PCSK5: variants seen among roughly 807,000 people sequenced by gnomAD.
PCSK5 encodes the protein prohormone convertase 5.
PCSK5 carries 129 observed loss-of-function variants against 233.2 expected under a neutral mutation model. That is an observed-to-expected ratio of 0.55 (90% CI 0.48 to 0.64). The LOEUF (loss-of-function observed/expected upper bound fraction) is 0.64, where lower values mean the gene tolerates loss of function less well. PCSK5 is among the 30% of genes least tolerant of loss of function. The probability of loss-of-function intolerance (pLI) is 0.00; values close to 1 mark genes in which losing one functional copy is unlikely to be tolerated. For missense variants in PCSK5, 2,076 were observed against 2,430.1 expected (o/e 0.85, Z 3.06); for synonymous variants, 825 against 879.2 (o/e 0.94, Z 1.09).
At chr9:76,167,818 T>C (rs1019858138) in intron 12 of PCSK5, among the ~76,000 whole-genome samples, 3 of 152,198 alleles carry the variant, frequency 2.0e-5, no homozygotes, top group Admixed American at 1.3e-4. Flanking sequence ...TTGTGTGTTC[T>C]GAATAGCCAT....
At chr9:76,351,682 G>A (rs1355925404) in intron 36 of PCSK5, among the ~76,000 whole-genome samples, 1 of 54,520 alleles carries the variant, frequency 1.8e-5, no homozygotes, top group Non-Finnish European at 4.1e-5. Context: ...AAAGAAAGAG[G>A]TAGGGAGGGA....
intron 2 of PCSK5, among the ~76,000 whole-genome samples, chr9:75,980,338 C>G (rs1273917399): frequency 6.6e-6 from 1 of 152,044 alleles, no homozygotes; most frequent in Non-Finnish European, 1.5e-5. Context: ...TTCAGTTTGG[C>G]CTATATTTTC....
intron 32 of PCSK5, among the ~76,000 whole-genome samples, chr9:76,323,657 A>G (rs1440978070): frequency 6.6e-6 from 1 of 152,068 alleles, no homozygotes; most frequent in African/African-American, 2.4e-5. Context: ...ATCCTTTACC[A>G]TCTCACTCAA....
At chr9:76,023,925 A>G in intron 4 of PCSK5, 44 bp downstream of exon 4, 2 of 1,539,168 alleles carry the variant, frequency 1.3e-6, no homozygotes, top group Non-Finnish European at 1.8e-6. Context: ...TCTGGGAAAC[A>G]GAGAAACTCA....
At chr9:76,354,884 T>C (rs1048758725) in intron 37 of PCSK5, among the ~76,000 whole-genome samples, 2 of 152,160 alleles carry the variant, frequency 1.3e-5, no homozygotes, top group Non-Finnish European at 2.9e-5. Context: ...ACTTTGTTCC[T>C]TTTTTTATTC....
intron 30 of PCSK5, among the ~76,000 whole-genome samples, chr9:76,311,790 G>A (rs1023828958): frequency 2.6e-5 from 4 of 152,132 alleles, no homozygotes; most frequent in African/African-American, 7.2e-5. Context: ...TTTCTGTTTC[G>A]CTCTTGTACC....
chr9:75,945,743 G>GCCAT (rs1824537649), intron 2 of PCSK5, among the ~76,000 whole-genome samples: 1 of 151,896 alleles, frequency 6.6e-6, no homozygotes, highest in Admixed American at 6.6e-5. Context: ...ATCACACTTG[G>GCCAT]CCATATCTCT....
chr9:76,345,935 G>C (rs1011675897), intron 35 of PCSK5, among the ~76,000 whole-genome samples: 1 of 151,662 alleles, frequency 6.6e-6, no homozygotes, highest in African/African-American at 2.4e-5. Flanking sequence ...GGCCAGGCTG[G>C]TCTCAAATTC....
intron 36 of PCSK5, among the ~76,000 whole-genome samples, chr9:76,351,461 A>AAG (rs2131521817): frequency 2.3e-5 from 1 of 43,160 alleles, no homozygotes; most frequent in East Asian, 1.3e-3. Flanking sequence ...AGAAAGAAAG[A>AAG]AAGAAAGAAA....
chr9:76,295,223 A>G (rs9411164), intron 25 of PCSK5, 52 bp from the exon 26 acceptor site: 340,300 of 1,505,662 alleles, frequency 0.23, 40,764 homozygotes, highest in African/African-American at 0.38. Context: ...ATTATGGTGA[A>G]GAGAAATACA....
At chr9:76,071,020 A>T (rs1830463141) in intron 6 of PCSK5, among the ~76,000 whole-genome samples, 1 of 152,200 alleles carries the variant, frequency 6.6e-6, no homozygotes, top group Non-Finnish European at 1.5e-5. Context: ...AAAGCCTGAC[A>T]TTTGGCATAG....
At chr9:76,241,506 T>C (rs890474439) in intron 24 of PCSK5, among the ~76,000 whole-genome samples, 2 of 152,296 alleles carry the variant, frequency 1.3e-5, no homozygotes, top group Admixed American at 6.5e-5. Flanking sequence ...CCTTAGAGAA[T>C]CAAGCATCGT....
intron 5 of PCSK5, among the ~76,000 whole-genome samples, chr9:76,056,200 A>C (rs905467114): frequency 6.6e-6 from 1 of 152,188 alleles, no homozygotes; most frequent in Non-Finnish European, 1.5e-5. Flanking sequence ...CCATTGCTTG[A>C]TAACCTATAT....
chr9:76,074,321 C>T (rs1486437794), intron 7 of PCSK5, among the ~76,000 whole-genome samples: 4 of 152,156 alleles, frequency 2.6e-5, no homozygotes, highest in Non-Finnish European at 5.9e-5. Flanking sequence ...ATTAATTCAA[C>T]ATTCCATTGA....
At chr9:76,297,870 A>G (rs1353652435) in intron 27 of PCSK5, among the ~76,000 whole-genome samples, 1 of 152,080 alleles carries the variant, frequency 6.6e-6, no homozygotes, top group Non-Finnish European at 1.5e-5. Flanking sequence ...GCTGTCTACT[A>G]CGGCAGTTTT....
chr9:75,944,553 G>T (rs1824473088), intron 2 of PCSK5, among the ~76,000 whole-genome samples: 1 of 152,070 alleles, frequency 6.6e-6, no homozygotes, highest in Non-Finnish European at 1.5e-5. Flanking sequence ...AAGTTGACTT[G>T]TTTCTTGAGA....
chr9:76,167,182 T>C (rs540604911), intron 12 of PCSK5, among the ~76,000 whole-genome samples: 1 of 152,282 alleles, frequency 6.6e-6, no homozygotes, highest in Non-Finnish European at 1.5e-5. Context: ...TGGTTCCTCA[T>C]TGAAGTGCCA....
intron 1 of PCSK5, among the ~76,000 whole-genome samples, chr9:75,931,605 G>T (rs1285704198): frequency 2.6e-5 from 4 of 152,140 alleles, no homozygotes; most frequent in Admixed American, 2.6e-4. Context: ...GAGAAAATAT[G>T]GTTGGTTGAG....
chr9:76,024,144 C>G (rs1563979055), intron 4 of PCSK5, among the ~76,000 whole-genome samples: 1 of 152,214 alleles, frequency 6.6e-6, no homozygotes, highest in Admixed American at 6.5e-5. Context: ...ACACCATCTG[C>G]TACCAGCAAC....
Sources: gnomAD v4.1 joint callset for allele counts (sites outside exome capture counted in the v4.1 genomes callset) on GRCh38, gnomAD v4.1.1 for gene constraint, MANE v1.5 for transcripts, NCBI Gene and HGNC (gene_info 2026-07-23, HGNC 2026-07-21) for gene names.